SFTPD: variants seen among roughly 807,000 people sequenced by gnomAD.
The protein encoded by SFTPD is pulmonary surfactant-associated protein D.
SFTPD carries 18 observed loss-of-function variants against 34.6 expected under a neutral mutation model. That is an observed-to-expected ratio of 0.52 (90% confidence interval 0.36 to 0.77). The LOEUF (loss-of-function observed/expected upper bound fraction) is 0.77, where lower values mean the gene tolerates loss of function less well. Ranked by LOEUF, SFTPD falls within the 30% of genes least tolerant of loss-of-function variation. SFTPD has a pLI of 0.00. For synonymous variants in SFTPD, 155 were observed against 180.9 expected (o/e 0.86, Z 1.15); for missense variants, 433 against 468.9 (o/e 0.92, Z 0.71).
At chr10:79,978,630 C>T (rs1842874888) in intron 1 of SFTPD, among the ~76,000 whole-genome samples, 1 of 114,094 alleles carries the variant, frequency 8.8e-6, no homozygotes, top group Admixed American at 1.3e-4. Flanking sequence ...CTAGCCTGGG[C>T]AGCAGAGTGA....
upstream of SFTPD, among the ~76,000 whole-genome samples, chr10:79,954,006 T>G (rs146509037): frequency 0.093 from 10,089 of 109,012 alleles, 549 homozygotes; most frequent in South Asian, 0.28. Flanking sequence ...TTTTGTGGGT[T>G]TTTTTTTTTA....
At chr10:79,969,780 T>A (rs1324788120) in intron 1 of SFTPD, 1 of 152,202 alleles carries the variant, frequency 6.6e-6, no homozygotes, top group Non-Finnish European at 1.5e-5. Flanking sequence ...GAGTTCCTTA[T>A]ATAGTAACCC....
chr10:79,952,943 G>A (rs74939235), upstream of SFTPD, among the ~76,000 whole-genome samples: 7,445 of 152,258 alleles, frequency 0.049, 245 homozygotes, highest in East Asian at 0.15. Context: ...ACAGGAGTGA[G>A]GGGAGCAACT....
chr10:79,943,586 G>A (rs1450187261), intron 2 of SFTPD, among the ~76,000 whole-genome samples: 1 of 152,194 alleles, frequency 6.6e-6, no homozygotes, highest in Non-Finnish European at 1.5e-5. Context: ...TGGAAGCCAT[G>A]CTCCCGTGGC....
At chr10:79,966,903 GC>G (rs1842805933) in intron 1 of SFTPD, among the ~76,000 whole-genome samples, 1 of 147,860 alleles carries the variant, frequency 6.8e-6, no homozygotes, top group African/African-American at 2.5e-5. Context: ...AGACAGGGAT[GC>G]CCTCTCTCAC....
At chr10:79,954,487 G>A (rs1842728261) in intron 1 of SFTPD, among the ~76,000 whole-genome samples, 1 of 152,156 alleles carries the variant, frequency 6.6e-6, no homozygotes, top group African/African-American at 2.4e-5. Flanking sequence ...TGCAGGTGGG[G>A]TCTGCCTGCT....
Position 79,942,069 on chromosome 10 carries a change from T to C in SFTPD, c.435A>G (p.Gly145=), listed in dbSNP as rs756463448. 4 of 1,603,426 alleles carry C rather than the reference T, an allele frequency of 2.5e-6. No homozygotes were observed. The South Asian group carries it at 4.4e-5, about 18-fold the overall frequency. The change falls in exon 5 of 8, where the codon GGA becomes GGG. Residue 145 remains glycine (G), a splice_region_variant and synonymous_variant. Coordinates refer to ENST00000372292, the MANE Select transcript of SFTPD (RefSeq NM_003019.5). ...PGPKGEAGPK[G]EVGAPGMQGS... ...CCTGCATGCCTGGGGCACCTACTTC[T>C]CCTGAAGAAGGAACACACAGGAACA...
At chr10:79,962,890 C>A (rs558547970) in intron 1 of SFTPD, among the ~76,000 whole-genome samples, 1 of 152,024 alleles carries the variant, frequency 6.6e-6, no homozygotes, top group Non-Finnish European at 1.5e-5. Flanking sequence ...AATGATATTT[C>A]TATTAAAGTT....
chr10:79,957,581 G>A (rs981909099), intron 1 of SFTPD, among the ~76,000 whole-genome samples: 9 of 152,112 alleles, frequency 5.9e-5, no homozygotes, highest in East Asian at 1.9e-4. Flanking sequence ...GAAGTGAAGC[G>A]AGAAGGGAAG....
intron 1 of SFTPD, chr10:79,968,893 G>T (rs1842819185): frequency 6.6e-6 from 1 of 151,872 alleles, no homozygotes; most frequent in Admixed American, 6.6e-5. Flanking sequence ...GTATCTCATG[G>T]TTCTTATTTG....
intron 1 of SFTPD, among the ~76,000 whole-genome samples, chr10:79,963,274 C>A (rs897722205): frequency 1.3e-5 from 2 of 151,602 alleles, no homozygotes; most frequent in African/African-American, 4.8e-5. Context: ...TCAATTGAAC[C>A]CAGGAGTTCA....
intron 1 of SFTPD, among the ~76,000 whole-genome samples, chr10:79,975,136 A>G (rs1335377835): frequency 6.6e-6 from 1 of 152,174 alleles, no homozygotes; most frequent in East Asian, 1.9e-4. Context: ...CCTGACTAGA[A>G]CTAAGAGCAG....
chr10:79,941,493 G>A lies in SFTPD; in HGVS notation c.572C>T (p.Pro191Leu), dbSNP rs764331529. The change falls in exon 6 of 8, where the codon CCC becomes CTC. Residue 191 changes from proline (P) to leucine (L), a missense_variant. Physicochemically the swap from Pro to Leu is moderately conservative, Grantham distance 98 (BLOSUM62 -3). Coordinates refer to ENST00000372292, the MANE Select transcript of SFTPD (RefSeq NM_003019.5). Reference protein sequence around the residue: ...GAAGSAGAMGPQGSPGARGPP... With the variant: ...GAAGSAGAMGLQGSPGARGPP... ...TCCCCTGGCACCTGGACTTCCCTGGGGACCCATGGCTCCAGCAGACCCTGG... is the reference window on the plus strand; with the variant it reads ...TCCCCTGGCACCTGGACTTCCCTGGAGACCCATGGCTCCAGCAGACCCTGG... 1.2e-6 allele frequency: 2 copies of A among 1,610,538 alleles called. No homozygotes were observed. The highest frequency in any genetic ancestry group is 3.4e-5 in the Admixed American group (2 of 59,308).
intron 1 of SFTPD, among the ~76,000 whole-genome samples, chr10:79,977,056 A>G (rs1424960137): frequency 2.0e-5 from 3 of 152,184 alleles, no homozygotes; most frequent in Admixed American, 6.5e-5. Flanking sequence ...TGTAAATCCA[A>G]TTAAGCCTCT....
At chr10:79,980,688 A>G (rs1178251800) in intron 1 of SFTPD, among the ~76,000 whole-genome samples, 4 of 152,236 alleles carry the variant, frequency 2.6e-5, no homozygotes, top group African/African-American at 9.6e-5. Context: ...TAATCCAGGG[A>G]CTTCTCTCAG....
At chr10:79,971,871 G>T (rs1842836742) in intron 1 of SFTPD, 1 of 152,088 alleles carries the variant, frequency 6.6e-6, no homozygotes. Context: ...GTACCTGGAT[G>T]TCTATATCTC....
chr10:79,946,867 G>A (rs1031550975), intron 1 of SFTPD, among the ~76,000 whole-genome samples: 1 of 152,168 alleles, frequency 6.6e-6, no homozygotes, highest in Non-Finnish European at 1.5e-5. Flanking sequence ...TACCCAGCTG[G>A]AACTCTGACA....
chr10:79,968,122 G>A (rs1387475079), intron 1 of SFTPD: 4 of 152,074 alleles, frequency 2.6e-5, no homozygotes, highest in Non-Finnish European at 5.9e-5. Context: ...TAATGGTCAA[G>A]TCAGGATAAT....
chr10:79,955,393 T>G (rs1842733161), intron 1 of SFTPD, among the ~76,000 whole-genome samples: 1 of 152,178 alleles, frequency 6.6e-6, no homozygotes, highest in Non-Finnish European at 1.5e-5. Context: ...ACCACCTTGC[T>G]TTGCAACTAA....
Sources: gnomAD v4.1 joint callset for allele counts (sites outside exome capture counted in the v4.1 genomes callset) on GRCh38, gnomAD v4.1.1 for gene constraint, MANE v1.5 for transcripts, NCBI Gene and HGNC (gene_info 2026-07-23, HGNC 2026-07-21) for gene names.